The following SMOC2 variants were observed in gnomAD, a reference collection of about 807,000 sequenced individuals.
SMOC2 encodes SPARC related modular calcium binding 2.
A neutral mutation model predicts 61.4 loss-of-function variants in SMOC2; 39 were observed. The ratio of observed to expected loss-of-function variants is 0.64; its 90% CI spans 0.49 to 0.83. The LOEUF (loss-of-function observed/expected upper bound fraction) is 0.83, where lower values mean the gene tolerates loss of function less well. Ranked by LOEUF, SMOC2 falls within the 40% of genes least tolerant of loss-of-function variation. The probability of loss-of-function intolerance (pLI) is 0.00; values close to 1 mark genes in which losing one functional copy is unlikely to be tolerated. For missense variants in SMOC2, 556 were observed against 592.9 expected, an observed-to-expected ratio of 0.94 and a Z score of 0.65; for synonymous variants, 247 against 239.9, an observed-to-expected ratio of 1.03 and a Z score of -0.27.
intron 1 of SMOC2, among the ~76,000 whole-genome samples, chr6:168,507,371 T>G (rs1048326901): frequency 2.0e-5 from 3 of 152,228 alleles, no homozygotes; most frequent in African/African-American, 4.8e-5. Flanking sequence ...CACTGCAGGT[T>G]CATGTTTTCT....
At chr6:168,582,124 C>CGG (rs1324230373) in intron 7 of SMOC2, among the ~76,000 whole-genome samples, 1 of 152,174 alleles carries the variant, frequency 6.6e-6, no homozygotes, top group Non-Finnish European at 1.5e-5. Flanking sequence ...AGGCACAGAG[C>CGG]GGGAGCTAAA....
intron 4 of SMOC2, among the ~76,000 whole-genome samples, chr6:168,538,398 G>A (rs1314476811): frequency 4.1e-5 from 5 of 120,550 alleles, no homozygotes; most frequent in Non-Finnish European, 8.5e-5. Flanking sequence ...GGTGACCCCT[G>A]CTGGCATGTA....
At chr6:168,454,265 G>A (rs1781530623) in intron 1 of SMOC2, among the ~76,000 whole-genome samples, 2 of 152,108 alleles carry the variant, frequency 1.3e-5, no homozygotes, top group African/African-American at 4.8e-5. Flanking sequence ...GAGGCCCAAG[G>A]GCTCTGTGGC....
intron 4 of SMOC2, among the ~76,000 whole-genome samples, chr6:168,540,772 C>G (rs149683493): frequency 5.3e-5 from 8 of 152,120 alleles, no homozygotes; most frequent in African/African-American, 1.9e-4. Flanking sequence ...CTTTTTCTCT[C>G]GCCTCCCTCA....
At chr6:168,657,186 T>C (rs1284606791) in intron 11 of SMOC2, among the ~76,000 whole-genome samples, 1 of 152,234 alleles carries the variant, frequency 6.6e-6, no homozygotes, top group African/African-American at 2.4e-5. Context: ...CCAATCCTAC[T>C]TCATGGCTCA....
intron 7 of SMOC2, among the ~76,000 whole-genome samples, chr6:168,578,938 C>T (rs374634275): frequency 9.8e-5 from 15 of 152,306 alleles, no homozygotes; most frequent in East Asian, 3.9e-4. Context: ...CTCTCCTGAC[C>T]GGCATTCTGG....
intron 7 of SMOC2, among the ~76,000 whole-genome samples, chr6:168,562,495 C>T (rs915414724): frequency 9.3e-5 from 14 of 150,310 alleles, no homozygotes; most frequent in African/African-American, 1.9e-4. Flanking sequence ...GCTCTGACTG[C>T]GTTTTCGGAG....
chr6:168,553,995 T>C lies in SMOC2; in HGVS notation c.637+4792T>C, dbSNP rs1188571230. On this transcript the variant is annotated intron_variant, in intron 7 of 12. Coordinates refer to ENST00000356284, the MANE Select transcript of SMOC2 (RefSeq NM_001166412.2). The surrounding 1 kb of genome is among the most constrained non-coding windows in gnomAD (Gnocchi z 4.2). ...ACGTTTTGGTAGGAAGATTATTCCA[T>C]GGGACGAGTCGGTTAAAACTCGCGT... Among the ~76,000 whole-genome samples, 1 of 150,306 alleles carries C rather than the reference T, an allele frequency of 6.7e-6. No individual in the cohort carries two copies. Among genetic ancestry groups the C allele is most frequent in the Admixed American group, 6.6e-5 (1 of 15,206 alleles).
intron 2 of SMOC2, among the ~76,000 whole-genome samples, chr6:168,522,052 T>C (rs1487046699): frequency 6.6e-6 from 1 of 152,116 alleles, no homozygotes; most frequent in African/African-American, 2.4e-5. Context: ...TAGAAGGAGA[T>C]TAACACTTTT....
At chr6:168,616,542 T>A (rs2115224062) in intron 9 of SMOC2, among the ~76,000 whole-genome samples, 1 of 152,316 alleles carries the variant, frequency 6.6e-6, no homozygotes. Flanking sequence ...AAGAGACCGT[T>A]CCACATGGCA....
intron 9 of SMOC2, among the ~76,000 whole-genome samples, chr6:168,647,352 G>A (rs979599795): frequency 9.9e-5 from 15 of 152,178 alleles, no homozygotes; most frequent in Non-Finnish European, 1.5e-4. Context: ...AGAGCACCAG[G>A]CTCCTCATAC....
At chr6:168,442,582 C>T (rs986503624) in intron 1 of SMOC2, among the ~76,000 whole-genome samples, 2 of 152,192 alleles carry the variant, frequency 1.3e-5, no homozygotes, top group East Asian at 1.9e-4. Context: ...GGTGGACAGC[C>T]GTCTTTTTTA....
intron 1 of SMOC2, among the ~76,000 whole-genome samples, chr6:168,495,977 C>T (rs868166765): frequency 6.6e-6 from 1 of 152,254 alleles, no homozygotes; most frequent in African/African-American, 2.4e-5. Context: ...CCTCTCGCCT[C>T]CTCGCTCTTT....
chr6:168,608,075 C>A, intron 8 of SMOC2, 82 bp from the exon 9 acceptor site: 1 of 1,328,918 alleles, frequency 7.5e-7, no homozygotes, highest in Non-Finnish European at 1.1e-6. Flanking sequence ...GGGTAGGACA[C>A]TCCAGAAATG....
At chr6:168,564,622 A>G (rs1425829559) in intron 7 of SMOC2, among the ~76,000 whole-genome samples, 2 of 152,208 alleles carry the variant, frequency 1.3e-5, no homozygotes, top group African/African-American at 4.8e-5. Context: ...CATACTGGAA[A>G]TGCACAGTGT....
intron 9 of SMOC2, among the ~76,000 whole-genome samples, chr6:168,639,055 C>T (rs1786821498): frequency 6.6e-6 from 1 of 152,106 alleles, no homozygotes; most frequent in Non-Finnish European, 1.5e-5. Context: ...AACAAACAGA[C>T]CATAGGATTC....
At chr6:168,501,463 C>A (rs1782726746) in intron 1 of SMOC2, among the ~76,000 whole-genome samples, 1 of 151,788 alleles carries the variant, frequency 6.6e-6, no homozygotes, top group Non-Finnish European at 1.5e-5. Flanking sequence ...GGGCCAGGAA[C>A]CTGCATCGTC....
chr6:168,632,406 A>T (rs1182042293), intron 9 of SMOC2, among the ~76,000 whole-genome samples: 1 of 152,260 alleles, frequency 6.6e-6, no homozygotes, highest in Middle Eastern at 3.2e-3. Flanking sequence ...GAAACCGTGT[A>T]TGAAAATAAT....
At chr6:168,496,595 G>A (rs1400555092) in intron 1 of SMOC2, among the ~76,000 whole-genome samples, 2 of 152,186 alleles carry the variant, frequency 1.3e-5, no homozygotes, top group Non-Finnish European at 2.9e-5. Context: ...TGTCCCGAGA[G>A]GTCCTTTCTT....
Sources: gnomAD v4.1 joint callset for allele counts (sites outside exome capture counted in the v4.1 genomes callset) on GRCh38, gnomAD v4.1.1 for gene constraint, Gnocchi (gnomAD v3.1) non-coding constraint, MANE v1.5 for transcripts, NCBI Gene and HGNC (gene_info 2026-07-23, HGNC 2026-07-21) for gene names.